Variants in TNFRSF1B observed in about 807,000 individuals in gnomAD.
TNFRSF1B encodes tumor necrosis factor receptor superfamily member 1B.
Under a neutral mutation model 44.6 loss-of-function variants are expected in TNFRSF1B, and 19 were observed. The observed-to-expected ratio is 0.43, with a 90% CI of 0.30 to 0.62. The LOEUF (loss-of-function observed/expected upper bound fraction) is 0.62. Ranked by LOEUF, TNFRSF1B falls within the 20% of genes least tolerant of loss-of-function variation. The pLI is 0.16. For synonymous variants in TNFRSF1B, 252 were observed against 261.1 expected (o/e 0.97, Z 0.34); for missense variants, 541 against 619.9 (o/e 0.87, Z 1.35).
At chr1:12,174,163 TCTCCTTCTCCTTCTCCTTCTCCTTCTC>T (rs1638592256) in intron 1 of TNFRSF1B, among the ~76,000 whole-genome samples, 21 of 62,728 alleles carry the variant, frequency 3.3e-4, no homozygotes, top group African/African-American at 1.2e-3. Context: ...TTCTTCTTCT[TCTCCTTCTCCTTCTCCTTCTCCTTCTC>T]CTTCTCCTTC....
rs1202207480 is a variant in TNFRSF1B, at chr1:12,180,673, G to A, written c.79-8123G>A. The stretch of plus-strand genomic sequence containing the variant: ...CAGCTGTGCTTCCTGAGTCCTCCAG[G>A]GTGAGGGGGCGTGGGGTCAGAAGAG... On this transcript the variant is annotated intron_variant, in intron 1 of 9. Transcript: ENST00000376259. The surrounding 1 kb of genome is among the most constrained non-coding windows in gnomAD (Gnocchi z 4.3). Among the ~76,000 whole-genome samples, 1 of 152,222 alleles carries A rather than the reference G, an allele frequency of 6.6e-6. No homozygotes were observed. The highest frequency in any genetic ancestry group is 1.9e-4 in the East Asian group (1 of 5,204).
intron 1 of TNFRSF1B, among the ~76,000 whole-genome samples, chr1:12,184,771 C>T (rs778992009): frequency 1.3e-5 from 2 of 152,226 alleles, no homozygotes; most frequent in Admixed American, 1.3e-4. Flanking sequence ...CGCCTGGAGC[C>T]GCCCTGGCCC....
intron 3 of TNFRSF1B, 162 bp from the exon 4 acceptor site, chr1:12,191,612 G>C (rs190891173): frequency 3.8e-6 from 3 of 789,822 alleles, no homozygotes; most frequent in South Asian, 3.3e-5. Flanking sequence ...CAGGACTGCC[G>C]GTCCTGCCCC....
At chr1:12,204,292 C>T (rs1172047031) in intron 9 of TNFRSF1B, among the ~76,000 whole-genome samples, 2 of 152,144 alleles carry the variant, frequency 1.3e-5, no homozygotes, top group African/African-American at 4.8e-5. Context: ...GTCTCATGCT[C>T]GATATACAAA....
intron 9 of TNFRSF1B, among the ~76,000 whole-genome samples, chr1:12,205,465 C>A (rs1044817404): frequency 2.0e-5 from 3 of 152,152 alleles, no homozygotes; most frequent in South Asian, 4.2e-4. Context: ...GGTTCAAGGG[C>A]CAGCTCTGGC....
At chr1:12,174,160 T>TCTTCTTCTTCTTCTTCTC (rs1553162433) in intron 1 of TNFRSF1B, among the ~76,000 whole-genome samples, 11 of 67,914 alleles carry the variant, frequency 1.6e-4, no homozygotes, top group South Asian at 5.6e-4. Flanking sequence ...TTCTTCTTCT[T>TCTTCTTCTTCTTCTTCTC]CTTCTCCTTC....
At chr1:12,206,662 T>C in intron 9 of TNFRSF1B, 78 bp from the exon 10 acceptor site, 5 of 1,454,282 alleles carry the variant, frequency 3.4e-6, no homozygotes, top group African/African-American at 1.4e-5. Context: ...TGTGTCTGAA[T>C]CTGCATCTTG....
intron 9 of TNFRSF1B, among the ~76,000 whole-genome samples, chr1:12,204,318 G>C (rs1372638088): frequency 6.6e-6 from 1 of 152,158 alleles, no homozygotes; most frequent in Non-Finnish European, 1.5e-5. Context: ...TGGTGACTTT[G>C]GGTGACATTT....
chr1:12,205,309 G>T (rs1639477885), intron 9 of TNFRSF1B, among the ~76,000 whole-genome samples: 1 of 152,146 alleles, frequency 6.6e-6, no homozygotes, highest in South Asian at 2.1e-4. Flanking sequence ...GTAGCAGGGG[G>T]TGGGGAATGT....
chr1:12,192,026 A>G, intron 4 of TNFRSF1B, 103 bp downstream of exon 4: 1 of 1,456,048 alleles, frequency 6.9e-7, no homozygotes, highest in Non-Finnish European at 9.2e-7. Context: ...TCCAGCAGGG[A>G]GCACTGTTAG....
At chr1:12,202,801 G>C (rs1417489393) in intron 9 of TNFRSF1B, among the ~76,000 whole-genome samples, 1 of 152,230 alleles carries the variant, frequency 6.6e-6, no homozygotes, top group Non-Finnish European at 1.5e-5. Context: ...AGGTTAAACA[G>C]CTTCTTCAAG....
chr1:12,193,145 C>T (rs1639188397), intron 6 of TNFRSF1B, 47 bp downstream of exon 6: 1 of 1,487,834 alleles, frequency 6.7e-7, no homozygotes, highest in South Asian at 1.2e-5. Flanking sequence ...GTCTGCCTGT[C>T]TTTCTGTCTC....
At position 12,188,883 on chromosome 1, in the gene TNFRSF1B, A is replaced by G; in HGVS notation, c.166A>G (p.Lys56Glu). ...YDQTAQMCCS[K>E]CSPGQHAKVF... is the part of the protein sequence containing the mutation. ...CCAGACAGCTCAGATGTGCTGCAGC[A>G]AATGCTCGCCGGGTGAGGGCAGCCA... The change falls in exon 2 of 10, where the codon AAA becomes GAA. Residue 56 changes from lysine (K) to glutamate (E), a missense_variant. Lys to Glu is a moderately conservative substitution (Grantham distance 56). Transcript: ENST00000376259. 1 of 1,613,472 alleles carries G rather than the reference A, an allele frequency of 6.2e-7. No homozygotes were observed. The highest frequency in any genetic ancestry group is 8.5e-7 in the Non-Finnish European group (1 of 1,179,782).
intron 1 of TNFRSF1B, among the ~76,000 whole-genome samples, chr1:12,176,203 A>G (rs1262358106): frequency 6.6e-6 from 1 of 152,200 alleles, no homozygotes; most frequent in East Asian, 1.9e-4. Context: ...TGGGTGACAG[A>G]ACGAGACCCT....
intron 4 of TNFRSF1B, 96 bp downstream of exon 4, chr1:12,192,019 A>G: frequency 2.7e-6 from 4 of 1,482,468 alleles, no homozygotes; most frequent in Non-Finnish European, 3.6e-6. Flanking sequence ...TAATTAGTCC[A>G]GCAGGGAGCA....
rs1297899477 is a variant in TNFRSF1B at position 12,187,291 on chromosome 1, T to A, written c.79-1505T>A. The stretch of plus-strand genomic sequence containing the variant: ...GCCTCAGCCTCCAGAGTAGCTGGGA[T>A]TACAGGCACACGCCACTATGCCGGG... On this transcript the variant is annotated intron_variant, in intron 1 of 9. Coordinates refer to ENST00000376259, the MANE Select transcript of TNFRSF1B (RefSeq NM_001066.3). This position sits in a 1 kb window ranked among gnomAD's most constrained non-coding sequence, Gnocchi z 5.5. Among the ~76,000 whole-genome samples the A allele has an allele frequency of 6.6e-6, 1 of 152,036 alleles. No individual in the cohort carries two copies. Among genetic ancestry groups the A allele is most frequent in the African/African-American group, 2.4e-5 (1 of 41,418 alleles).
At position 12,171,640 on chromosome 1, in the gene TNFRSF1B, A is replaced by G. The variant is rs1269644900; in HGVS notation, c.78+4471A>G. Among the ~76,000 whole-genome samples, 3 of 152,200 alleles carry G rather than the reference A, an allele frequency of 2.0e-5. No individual in the cohort carries two copies. Among genetic ancestry groups the G allele is most frequent in the African/African-American group, 7.2e-5 (3 of 41,440 alleles). On this transcript the variant is annotated intron_variant, in intron 1 of 9. Coordinates refer to ENST00000376259, the MANE Select transcript of TNFRSF1B (RefSeq NM_001066.3). The surrounding 1 kb of genome is among the most constrained non-coding windows in gnomAD (Gnocchi z 4.5). ...TTCACCACTGTAGACTCTAGCCTAG[A>G]AGAGGGTTTTTCAGTCAGTGCCTCT...
chr1:12,169,317 C>T lies in TNFRSF1B; in HGVS notation c.78+2148C>T, dbSNP rs1048574745. Among the ~76,000 whole-genome samples, 1 of 152,180 alleles carries T rather than the reference C, an allele frequency of 6.6e-6. No individual in the cohort carries two copies. Among genetic ancestry groups the T allele is most frequent in the Non-Finnish European group, 1.5e-5 (1 of 68,036 alleles). The stretch of plus-strand genomic sequence containing the variant: ...CGCCATAGCTCCTGATTTCTGAACA[C>T]CCACTAAACACCAGGCACTGGGCTA... On this transcript the variant is annotated intron_variant, in intron 1 of 9. Coordinates refer to ENST00000376259, the MANE Select transcript of TNFRSF1B (RefSeq NM_001066.3). This position sits in a 1 kb window ranked among gnomAD's most constrained non-coding sequence, Gnocchi z 4.5.
At chr1:12,190,458 CAAAAAA>C in intron 2 of TNFRSF1B, among the ~76,000 whole-genome samples, 1 of 61,534 alleles carries the variant, frequency 1.6e-5, no homozygotes, top group South Asian at 7.5e-4. Flanking sequence ...GATTCTGTCT[CAAAAAA>C]AAAAAAAAAA....
Sources: gnomAD v4.1 joint callset for allele counts (sites outside exome capture counted in the v4.1 genomes callset) on GRCh38, gnomAD v4.1.1 for gene constraint, Gnocchi (gnomAD v3.1) non-coding constraint, MANE v1.5 for transcripts, NCBI Gene and HGNC (gene_info 2026-07-23, HGNC 2026-07-21) for gene names.